Variants in TFDP1 observed in about 807,000 individuals in gnomAD.
The protein encoded by TFDP1 is DRTF1-polypeptide 1.
A neutral mutation model predicts 48.0 loss-of-function variants in TFDP1; 6 were observed. That is an observed-to-expected ratio of 0.13 (90% CI 0.07 to 0.25). TFDP1 has a LOEUF of 0.25. Among genes scored for constraint, TFDP1 ranks in the 10% least tolerant of loss-of-function variants. The pLI, the probability that TFDP1 is intolerant of heterozygous loss-of-function variation, is 1.00. For synonymous variants in TFDP1, 201 were observed against 211.6 expected, an observed-to-expected ratio of 0.95 and a Z score of 0.44; for missense variants, 335 against 543.0, an observed-to-expected ratio of 0.62 and a Z score of 3.81.
chr13:113,620,886 T>C (rs1481398658), intron 3 of TFDP1, among the ~76,000 whole-genome samples: 1 of 152,254 alleles, frequency 6.6e-6, no homozygotes, highest in Non-Finnish European at 1.5e-5. Context: ...TACTAATATT[T>C]AACCCAGTTG....
In TFDP1 at chr13:113,623,806, G is replaced by A. The variant is rs752610602; in HGVS notation, c.186+520G>A. 2.0e-5 allele frequency among the ~76,000 whole-genome samples: 3 copies of A among 152,260 alleles called. No individual in the cohort carries two copies. The highest frequency in any genetic ancestry group is 1.9e-4 in the East Asian group (1 of 5,162). ...GGGAAGGTGGGCATTGGGAAGTGGCGCATCCCCCCTCCCCAGGCTGATGCT... is the reference window on the plus strand; with the variant it reads ...GGGAAGGTGGGCATTGGGAAGTGGCACATCCCCCCTCCCCAGGCTGATGCT... On this transcript the variant is annotated intron_variant, in intron 4 of 11. Transcript: ENST00000375370. This position sits in a 1 kb window ranked among gnomAD's most constrained non-coding sequence, Gnocchi z 5.2.
At chr13:113,594,002 C>G (rs2048218515) in intron 2 of TFDP1, among the ~76,000 whole-genome samples, 1 of 141,850 alleles carries the variant, frequency 7.0e-6, no homozygotes, top group Non-Finnish European at 1.5e-5. Flanking sequence ...GGTCCTCACC[C>G]TGCCCAGGTG....
At chr13:113,599,038 G>T (rs2048349195) in intron 2 of TFDP1, among the ~76,000 whole-genome samples, 1 of 152,174 alleles carries the variant, frequency 6.6e-6, no homozygotes, top group South Asian at 2.1e-4. Context: ...TGCTGTTAAG[G>T]CTTTTTGGTG....
intron 3 of TFDP1, among the ~76,000 whole-genome samples, chr13:113,622,041 T>A (rs1445492374): frequency 6.6e-6 from 1 of 152,152 alleles, no homozygotes; most frequent in African/African-American, 2.4e-5. Flanking sequence ...TCTCTTTGCC[T>A]CCTCTCTCTC....
rs569727181 is a variant in TFDP1 at position 113,627,721 on chromosome 13, C to CATTAGGTTCACCCA, written c.187-3902_187-3901insATTAGGTTCACCCA. ...GATCCCAGCATTAGGTTCTCAGGAG[C>CATTAGGTTCACCCA]GCAAACCCCACTGTGAACGGCACAT... On this transcript the variant is annotated intron_variant, in intron 4 of 11. Transcript: ENST00000375370. This position sits in a 1 kb window ranked among gnomAD's most constrained non-coding sequence, Gnocchi z 4.1. 0.025 allele frequency among the ~76,000 whole-genome samples: 3,745 copies of CATTAGGTTCACCCA among 152,194 alleles called. 154 individuals are homozygous for CATTAGGTTCACCCA. Among genetic ancestry groups the CATTAGGTTCACCCA allele is most frequent in the African/African-American group, 0.086 (3,556 of 41,494 alleles).
intron 3 of TFDP1, among the ~76,000 whole-genome samples, chr13:113,615,822 G>A (rs2048843288): frequency 6.6e-6 from 1 of 152,264 alleles, no homozygotes; most frequent in African/African-American, 2.4e-5. Context: ...TGGGGCAGGA[G>A]GATCGCTTGA....
chr13:113,633,160 C>T lies in TFDP1; in HGVS notation c.349C>T (p.Arg117Trp), dbSNP rs751799043. The change falls in exon 6 of 12, where the codon CGG (arginine) becomes TGG (tryptophan). Residue 117 changes from arginine to tryptophan, a missense_variant. By Grantham distance (101) the Arg-to-Trp change is moderately radical. This residue lies in a region of TFDP1 where 28 missense variants were observed against 115.5 expected (regional missense o/e 0.24). Transcript: ENST00000375370. The surrounding 1 kb of genome is among the most constrained non-coding windows in gnomAD (Gnocchi z 4.5). ...RKGEKNGKGL[R>W]HFSMKVCEKV... ...AGGAGAGAAGAATGGCAAGGGCCTA[C>T]GGCATTTCTCCATGAAGGTCTGCGA... 1.2e-6 allele frequency: 2 copies of T among 1,613,670 alleles called. No individual in the cohort carries two copies. Among genetic ancestry groups the T allele is most frequent in the East Asian group, 2.2e-5 (1 of 44,862 alleles).
chr13:113,597,376 C>T (rs1383728887), intron 2 of TFDP1, among the ~76,000 whole-genome samples: 1 of 152,258 alleles, frequency 6.6e-6, no homozygotes, highest in Admixed American at 6.5e-5. Context: ...CCTGAGGCCC[C>T]AGGCCTGGAC....
intron 2 of TFDP1, among the ~76,000 whole-genome samples, chr13:113,609,836 G>A (rs1003063654): frequency 2.1e-4 from 32 of 152,152 alleles, no homozygotes; most frequent in African/African-American, 7.5e-4. Flanking sequence ...TGGCCTCCTG[G>A]GACCCTGGGT....
intron 1 of TFDP1, 74 bp from the exon 2 acceptor site, chr13:113,585,700 G>A: frequency 1.1e-6 from 1 of 937,440 alleles, no homozygotes; most frequent in Admixed American, 2.5e-5. Flanking sequence ...TTTGAGATGT[G>A]TTATTTTTTA....
rs766475896 is a variant in TFDP1, at chr13:113,640,936, G to C, written c.*669G>C. On this transcript the variant is annotated 3_prime_UTR_variant, in exon 12 of 12. Transcript: ENST00000375370. ...GAAGTGCTTTTGTTTGTTTGTTTTCGTTTGGTTAAAGCTTATTGCCATGCT... is the reference window on the plus strand; with the variant it reads ...GAAGTGCTTTTGTTTGTTTGTTTTCCTTTGGTTAAAGCTTATTGCCATGCT... 1 of 152,812 alleles carries C rather than the reference G, an allele frequency of 6.5e-6. No individual in the cohort carries two copies. The highest frequency in any genetic ancestry group is 1.5e-5 in the Non-Finnish European group (1 of 68,272). 9.5% of individuals were successfully genotyped at this position (152,812 alleles called of 1,614,324 possible).
In TFDP1 at chr13:113,623,699, G is replaced by A. The variant is rs2049050740; in HGVS notation, c.186+413G>A. Among the ~76,000 whole-genome samples the A allele has an allele frequency of 6.6e-6, 1 of 152,218 alleles. No homozygotes were observed. The highest frequency in any genetic ancestry group is 1.9e-4 in the East Asian group (1 of 5,196). ...ACATCAGGCTGGGAAGCCAGAGAGG[G>A]ATAGGGCCCTGGCCGTGGCTGTGCG... On this transcript the variant is annotated intron_variant, in intron 4 of 11. Coordinates refer to ENST00000375370, the MANE Select transcript of TFDP1 (RefSeq NM_007111.5). The surrounding 1 kb of genome is among the most constrained non-coding windows in gnomAD (Gnocchi z 5.2).
chr13:113,631,844 G>T (rs1205342609), intron 5 of TFDP1, 100 bp downstream of exon 5: 3 of 1,478,276 alleles, frequency 2.0e-6, no homozygotes, highest in Non-Finnish European at 2.7e-6. Flanking sequence ...GTGCGATGGG[G>T]CTCCCACGCG....
chr13:113,590,883 G>A (rs934420888), intron 2 of TFDP1, among the ~76,000 whole-genome samples: 5 of 151,800 alleles, frequency 3.3e-5, no homozygotes, highest in Non-Finnish European at 5.9e-5. Context: ...GGTGGTGGGC[G>A]CCTGTAGTCC....
At chr13:113,636,840 G>A in intron 10 of TFDP1, 140 bp downstream of exon 10, 1 of 1,064,346 alleles carries the variant, frequency 9.4e-7, no homozygotes, top group South Asian at 1.7e-5. Flanking sequence ...AGACAAAGGG[G>A]CTGTGAGGGG....
chr13:113,592,002 G>A lies in TFDP1; in HGVS notation c.12+6153G>A, dbSNP rs1001271997. ...CTGGCTGAGATTCCCGCAGCATCCC[G>A]ACTCCGCTTCAGGGCTCCTGTGAGG... On this transcript the variant is annotated intron_variant, in intron 2 of 11. Transcript: ENST00000375370. 5.3e-5 allele frequency among the ~76,000 whole-genome samples: 8 copies of A among 152,198 alleles called. No homozygotes were observed. In the East Asian group the frequency reaches 5.8e-4, roughly 11 times the overall value.
chr13:113,636,375 A>G (rs370347867), intron 9 of TFDP1, among the ~76,000 whole-genome samples, 159 bp from the exon 10 acceptor site: 12 of 152,202 alleles, frequency 7.9e-5, no homozygotes, highest in Middle Eastern at 3.4e-3. Flanking sequence ...CTCTCATCTC[A>G]TTTACTTCAG....
At chr13:113,594,725 C>T (rs2048245235) in intron 2 of TFDP1, among the ~76,000 whole-genome samples, 2 of 152,230 alleles carry the variant, frequency 1.3e-5, no homozygotes, top group Admixed American at 6.5e-5. Flanking sequence ...CTGGTTGCTG[C>T]ACCAGCGGGC....
At chr13:113,588,924 TGTG>T (rs1372148944) in intron 2 of TFDP1, among the ~76,000 whole-genome samples, 3 of 145,044 alleles carry the variant, frequency 2.1e-5, no homozygotes, top group Non-Finnish European at 4.5e-5. Context: ...GTAGAGTGAG[TGTG>T]GTGATGGTGT....
Sources: allele counts gnomAD v4.1 joint callset (sites outside exome capture counted in the v4.1 genomes callset), GRCh38; gene constraint gnomAD v4.1.1; regional missense constraint gnomAD v4.1.1; non-coding constraint Gnocchi (gnomAD v3.1); transcripts MANE v1.5; gene names NCBI Gene and HGNC (gene_info 2026-07-23, HGNC 2026-07-21).